DRC8: variants seen among roughly 807,000 people sequenced by gnomAD.
DRC8 encodes the protein dynein regulatory complex protein 8.
the DRC8 span, among the ~76,000 whole-genome samples, chr1:245,121,384 T>G: frequency 6.6e-6 from 1 of 152,236 alleles, no homozygotes. Context: ...AGGGCTCAGA[T>G]GCCATGATCA....
At chr1:244,975,134 A>T in the DRC8 span, among the ~76,000 whole-genome samples, 33 of 151,940 alleles carry the variant, frequency 2.2e-4, no homozygotes, top group African/African-American at 7.7e-4. Flanking sequence ...GTTTCACCGT[A>T]TTAGCCAGGA....
the DRC8 span, among the ~76,000 whole-genome samples, chr1:245,072,654 A>C: frequency 6.6e-6 from 1 of 152,226 alleles, no homozygotes; most frequent in African/African-American, 2.4e-5. Context: ...TATAGTTTGA[A>C]TATTTGTCCC....
chr1:245,034,422 G>A, the DRC8 span, among the ~76,000 whole-genome samples: 1 of 151,734 alleles, frequency 6.6e-6, no homozygotes. Flanking sequence ...CCAACATGGC[G>A]AAACCCTGTC....
chr1:244,980,176 G>A, the DRC8 span, among the ~76,000 whole-genome samples: 1,125 of 141,734 alleles, frequency 7.9e-3, 17 homozygotes, highest in African/African-American at 0.028. Flanking sequence ...CCGAGATCAC[G>A]CCACTGCACT....
At chr1:245,018,318 C>G in the DRC8 span, among the ~76,000 whole-genome samples, 3,727 of 151,840 alleles carry the variant, frequency 0.025, 171 homozygotes, top group African/African-American at 0.086. Flanking sequence ...ATCTCAAGAC[C>G]AGAACCTAGT....
chr1:245,084,551 A>G, the DRC8 span, among the ~76,000 whole-genome samples: 2 of 152,328 alleles, frequency 1.3e-5, no homozygotes, highest in East Asian at 3.9e-4. Flanking sequence ...ATATATGCCA[A>G]CATATTTCCT....
At chr1:245,046,918 T>G in the DRC8 span, among the ~76,000 whole-genome samples, 1 of 152,242 alleles carries the variant, frequency 6.6e-6, no homozygotes, top group African/African-American at 2.4e-5. Context: ...ACTGGTGAGC[T>G]GCCTTGAGCT....
At chr1:244,981,935 A>T in the DRC8 span, among the ~76,000 whole-genome samples, 1 of 152,350 alleles carries the variant, frequency 6.6e-6, no homozygotes, top group East Asian at 1.9e-4. Flanking sequence ...AACACTTGTG[A>T]AGGTCACAGC....
the DRC8 span, among the ~76,000 whole-genome samples, chr1:245,120,945 G>A: frequency 6.6e-6 from 1 of 152,238 alleles, no homozygotes; most frequent in Admixed American, 6.5e-5. Context: ...GGACAGTGGA[G>A]GTGTTGACAG....
chr1:244,983,069 AAAG>A, the DRC8 span, among the ~76,000 whole-genome samples: 23 of 152,160 alleles, frequency 1.5e-4, no homozygotes, highest in African/African-American at 4.8e-4. Flanking sequence ...AGGGAAAAAA[AAAG>A]AAGAAAATCA....
the DRC8 span, among the ~76,000 whole-genome samples, chr1:245,102,064 C>T: frequency 6.7e-6 from 1 of 149,528 alleles, no homozygotes; most frequent in Admixed American, 6.6e-5. Flanking sequence ...ATTTACAGAT[C>T]ATTTTACTTG....
chr1:245,113,500 T>TG, the DRC8 span, among the ~76,000 whole-genome samples: 2 of 152,138 alleles, frequency 1.3e-5, no homozygotes, highest in East Asian at 3.8e-4. Flanking sequence ...ACAGAAAAGT[T>TG]GAAGACGTGG....
the DRC8 span, among the ~76,000 whole-genome samples, chr1:244,977,783 C>G: frequency 2.0e-5 from 3 of 151,988 alleles, no homozygotes; most frequent in Non-Finnish European, 4.4e-5. Context: ...GCTCTAAGCA[C>G]AAAAATGATC....
chr1:245,097,868 C>T, the DRC8 span, among the ~76,000 whole-genome samples: 3 of 152,098 alleles, frequency 2.0e-5, no homozygotes, highest in African/African-American at 7.2e-5. The surrounding 1 kb of genome is among the most constrained non-coding windows in gnomAD (Gnocchi z 5.0). Flanking sequence ...AAGGAGCACC[C>T]CAGGCCTTTG....
the DRC8 span, among the ~76,000 whole-genome samples, chr1:244,976,175 A>G: frequency 6.6e-6 from 1 of 152,136 alleles, no homozygotes; most frequent in Non-Finnish European, 1.5e-5. Context: ...AGGTTGAGGC[A>G]GGAGAATTGC....
the DRC8 span, among the ~76,000 whole-genome samples, chr1:245,061,890 G>A: frequency 4.6e-5 from 7 of 152,172 alleles, no homozygotes; most frequent in African/African-American, 1.4e-4. Context: ...TGGATCACTC[G>A]AGGTCAGGAG....
chr1:244,984,734 C>T, the DRC8 span, among the ~76,000 whole-genome samples: 4 of 151,618 alleles, frequency 2.6e-5, no homozygotes, highest in African/African-American at 9.7e-5. Flanking sequence ...ACTCGGGAGG[C>T]TGAGGCAGGA....
At chr1:245,011,960 A>G in the DRC8 span, among the ~76,000 whole-genome samples, 1 of 152,194 alleles carries the variant, frequency 6.6e-6, no homozygotes, top group Non-Finnish European at 1.5e-5. Flanking sequence ...TCATGCCTGT[A>G]ATCCCAGCAC....
the DRC8 span, among the ~76,000 whole-genome samples, chr1:245,115,868 A>G: frequency 6.7e-6 from 1 of 149,164 alleles, no homozygotes. Context: ...AGCTTGGGCA[A>G]CAGAGTGAGA....
Sources: allele counts gnomAD v4.1 joint callset (sites outside exome capture counted in the v4.1 genomes callset), GRCh38; gene constraint gnomAD v4.1.1; non-coding constraint Gnocchi (gnomAD v3.1); transcripts MANE v1.5; gene names NCBI Gene and HGNC (gene_info 2026-07-23, HGNC 2026-07-21).